Variants in KLB observed in about 807,000 individuals in gnomAD.
KLB encodes the protein beta-klotho.
Under a neutral mutation model 88.4 loss-of-function variants are expected in KLB, and 44 were observed. The observed-to-expected ratio is 0.50, with a 90% confidence interval of 0.39 to 0.64. KLB has a LOEUF of 0.64. Ranked by LOEUF, KLB falls within the 30% of genes least tolerant of loss-of-function variation. The pLI, the probability that KLB is intolerant of heterozygous loss-of-function variation, is 0.00. For synonymous variants in KLB, 548 were observed against 513.4 expected, an observed-to-expected ratio of 1.07 and a Z score of -0.91; for missense variants, 1,137 against 1,304.8, an observed-to-expected ratio of 0.87 and a Z score of 1.98.
chr4:39,429,361 A>G (rs1743289273), intron 1 of KLB, among the ~76,000 whole-genome samples: 1 of 152,070 alleles, frequency 6.6e-6, no homozygotes, highest in Non-Finnish European at 1.5e-5. Flanking sequence ...TTCTTCATCT[A>G]TTTCTAAAGT....
rs1332565686 is a variant in KLB at position 39,431,092 on chromosome 4, T to G, written c.826-3118T>G. On this transcript the variant is annotated intron_variant, in intron 1 of 4. Transcript: ENST00000257408. ...TCACCATGCCTGGCTAATTTTTGTA[T>G]TTTTTTTTTTTTTTTTTTGTAGATA... Among the ~76,000 whole-genome samples, 5 of 8,202 alleles carry G rather than the reference T, an allele frequency of 6.1e-4. No homozygotes were observed. The Non-Finnish European group carries it at 0.018, about 30-fold the overall frequency. The allele number at this position is 8,202 out of a possible 152,430, so 5.4% of individuals were successfully genotyped here.
At chr4:39,409,432 A>C (rs1742793463) in intron 1 of KLB, among the ~76,000 whole-genome samples, 1 of 151,190 alleles carries the variant, frequency 6.6e-6, no homozygotes, top group South Asian at 2.1e-4. Flanking sequence ...AACTGGTACT[A>C]CAGGCACATG....
At chr4:39,414,545 C>G (rs929764785) in intron 1 of KLB, among the ~76,000 whole-genome samples, 62 of 151,942 alleles carry the variant, frequency 4.1e-4, no homozygotes, top group Non-Finnish European at 2.4e-4. Context: ...AAACACTAAT[C>G]TTACTTTTTA....
chr4:39,427,482 CAAA>C (rs35351344), intron 1 of KLB, among the ~76,000 whole-genome samples: 185 of 117,880 alleles, frequency 1.6e-3, no homozygotes, highest in East Asian at 3.5e-3. Flanking sequence ...GACTCTGTCT[CAAA>C]AAAAAAAAAA....
At chr4:39,410,473 T>A (rs2109817314) in intron 1 of KLB, among the ~76,000 whole-genome samples, 2 of 152,300 alleles carry the variant, frequency 1.3e-5, no homozygotes, top group Middle Eastern at 6.8e-3. Flanking sequence ...ATAAATGGTG[T>A]GAGGGGTCCT....
At chr4:39,440,036 T>C (rs1420499707) in intron 3 of KLB, among the ~76,000 whole-genome samples, 2 of 152,000 alleles carry the variant, frequency 1.3e-5, no homozygotes, top group African/African-American at 4.8e-5. Flanking sequence ...GCTCCTGACC[T>C]CAGGTGATCG....
At chr4:39,427,466 G>A (rs1351359479) in intron 1 of KLB, among the ~76,000 whole-genome samples, 2 of 131,318 alleles carry the variant, frequency 1.5e-5, no homozygotes, top group Non-Finnish European at 1.6e-5. Context: ...CTGGGTGACA[G>A]AGGGAGACTC....
intron 2 of KLB, among the ~76,000 whole-genome samples, chr4:39,436,352 C>T (rs1406080781): frequency 1.3e-5 from 2 of 152,314 alleles, no homozygotes; most frequent in Non-Finnish European, 2.9e-5. Flanking sequence ...CGCCCAGCTA[C>T]GGGCCATGCA....
At position 39,437,902 on chromosome 4, in the gene KLB, A is replaced by G; in HGVS notation, c.1512A>G (p.Arg504=). 2 of 1,614,216 alleles carry G rather than the reference A, an allele frequency of 1.2e-6. No homozygotes were observed. The highest frequency in any genetic ancestry group is 1.7e-6 in the Non-Finnish European group (2 of 1,180,040). Residue 504 remains arginine, a synonymous_variant, in exon 3 of 5, where the codon CGA becomes CGG. Transcript: ENST00000257408. Reference sequence around the variant, plus strand: ...CACACTACTACAAACAGATCATACGAGAAAATGGTTTTTCTTTAAAAGAGT... The same window carrying G: ...CACACTACTACAAACAGATCATACGGGAAAATGGTTTTTCTTTAAAAGAGT... ...SSAHYYKQII[R]ENGFSLKEST... is the part of the protein sequence containing the mutation.
chr4:39,408,978 C>T (rs1444053510), intron 1 of KLB, among the ~76,000 whole-genome samples: 1 of 115,872 alleles, frequency 8.6e-6, no homozygotes, highest in African/African-American at 2.9e-5. Flanking sequence ...AAAATAATTC[C>T]ATGTCTAAAT....
intron 1 of KLB, among the ~76,000 whole-genome samples, chr4:39,424,329 C>T (rs1346821332): frequency 2.0e-5 from 3 of 151,832 alleles, no homozygotes; most frequent in Admixed American, 2.0e-4. Context: ...CCTTGGCTTC[C>T]CAAAGTGCTG....
At chr4:39,439,551 T>C (rs572994639) in intron 3 of KLB, among the ~76,000 whole-genome samples, 14 of 151,482 alleles carry the variant, frequency 9.2e-5, no homozygotes, top group Non-Finnish European at 1.6e-4. Flanking sequence ...TTGTAACCTC[T>C]GCCTCCCCAG....
At chr4:39,411,157 G>T (rs1742832822) in intron 1 of KLB, among the ~76,000 whole-genome samples, 1 of 147,758 alleles carries the variant, frequency 6.8e-6, no homozygotes, top group African/African-American at 2.5e-5. Flanking sequence ...GGGTTCAAGC[G>T]GGAGCCTCAG....
Position 39,447,270 on chromosome 4 carries a change from G to T in KLB, c.2544G>T (p.Gln848His). 2 of 1,614,148 alleles carry T rather than the reference G, an allele frequency of 1.2e-6. No homozygotes were observed. Among genetic ancestry groups the T allele is most frequent in the South Asian group, 1.1e-5 (1 of 91,086 alleles). The part of the protein sequence containing the change: ...GSRYDSDRDI[Q>H]FLQDITRLSS... ...GCTACGACTCGGACAGGGACATCCA[G>T]TTTCTGCAGGACATCACCCGCCTGA... Residue 848 changes from glutamine to histidine, a missense_variant, in exon 4 of 5, where the codon CAG (glutamine) becomes CAT (histidine). Gln to His is a conservative substitution (Grantham distance 24, BLOSUM62 0). Around this residue, in one of 4 missense-constraint regions of KLB, gnomAD observed 426 missense variants for 404.6 expected, o/e 1.05. Coordinates refer to ENST00000257408, the MANE Select transcript of KLB (RefSeq NM_175737.4).
chr4:39,426,938 C>T (rs1367581230), intron 1 of KLB, among the ~76,000 whole-genome samples: 2 of 152,110 alleles, frequency 1.3e-5, no homozygotes, highest in Admixed American at 1.3e-4. Context: ...ATCCTCCCAC[C>T]TCAGCCTCCC....
In KLB at chr4:39,443,792, T is replaced by C. The variant is rs114757500; in HGVS notation, c.1606-2540T>C. Among the ~76,000 whole-genome samples the C allele has an allele frequency of 7.0e-3, 1,025 of 147,082 alleles. 12 individuals are homozygous for C. Among genetic ancestry groups the C allele is most frequent in the African/African-American group, 0.024 (950 of 39,780 alleles). ...AAAAAAAAAAAGAAAAAAGAAGAAA[T>C]CTGATGTTGATACTTGGGACTCTAT... is the stretch of plus-strand genomic sequence containing the variant. On this transcript the variant is annotated intron_variant, in intron 3 of 4. Coordinates refer to ENST00000257408, the MANE Select transcript of KLB (RefSeq NM_175737.4).
At chr4:39,410,672 C>T (rs1394812929) in intron 1 of KLB, among the ~76,000 whole-genome samples, 2 of 152,146 alleles carry the variant, frequency 1.3e-5, no homozygotes, top group Non-Finnish European at 2.9e-5. Flanking sequence ...CCTTCTCCTG[C>T]CCCCTTGTGA....
intron 3 of KLB, among the ~76,000 whole-genome samples, chr4:39,445,504 C>CTTT (rs10634518): frequency 0.27 from 35,366 of 131,284 alleles, 5,246 homozygotes; most frequent in South Asian, 0.43. Context: ...CTTTTCTTTT[C>CTTT]TTTTTTTTTT....
At chr4:39,436,380 AG>A (rs987743349) in intron 2 of KLB, among the ~76,000 whole-genome samples, 1 of 152,182 alleles carries the variant, frequency 6.6e-6, no homozygotes, top group African/African-American at 2.4e-5. Context: ...GCCAAGGCTG[AG>A]GGTTCTGCCT....
Sources: gnomAD v4.1 joint callset for allele counts (sites outside exome capture counted in the v4.1 genomes callset) on GRCh38, gnomAD v4.1.1 for gene constraint, gnomAD v4.1.1 regional missense constraint, MANE v1.5 for transcripts, NCBI Gene and HGNC (gene_info 2026-07-23, HGNC 2026-07-21) for gene names.